Variants in GPD2 observed in about 807,000 individuals in gnomAD.
GPD2 encodes glycerol-3-phosphate dehydrogenase 2, also known as glycerol-3-phosphate dehydrogenase, mitochondrial.
In GPD2, 54 loss-of-function variants were observed where a neutral mutation model predicts 82.4. The observed-to-expected ratio is 0.66, with a 90% CI of 0.53 to 0.82. The LOEUF (loss-of-function observed/expected upper bound fraction) is 0.82. GPD2 is among the 40% of genes least tolerant of loss of function. The probability of loss-of-function intolerance (pLI) is 0.00; values close to 1 mark genes in which losing one functional copy is unlikely to be tolerated. For synonymous variants in GPD2, 288 were observed against 306.1 expected, an observed-to-expected ratio of 0.94 and a Z score of 0.62; for missense variants, 748 against 896.2, an observed-to-expected ratio of 0.83 and a Z score of 2.11.
chr2:156,414,958 A>G, the GPD2 span, among the ~76,000 whole-genome samples: 1 of 152,046 alleles, frequency 6.6e-6, no homozygotes, highest in Admixed American at 6.6e-5. Context: ...ATGGGCTCCT[A>G]TTTCCTCTTT....
intron 16 of GPD2, 34 bp downstream of exon 16, chr2:156,579,822 C>A (rs1416631119): frequency 1.0e-6 from 1 of 972,938 alleles, no homozygotes; most frequent in Non-Finnish European, 1.7e-6. Flanking sequence ...AGGATATTTG[C>A]TTTTATCTTT....
At chr2:156,486,865 T>G (rs1045540980) in intron 2 of GPD2, among the ~76,000 whole-genome samples, 1 of 152,242 alleles carries the variant, frequency 6.6e-6, no homozygotes, top group Non-Finnish European at 1.5e-5. Context: ...TAGGTTAAAG[T>G]GTAGCTGAAG....
the GPD2 span, among the ~76,000 whole-genome samples, chr2:156,400,686 T>G: frequency 6.6e-6 from 1 of 152,212 alleles, no homozygotes; most frequent in African/African-American, 2.4e-5. Flanking sequence ...TATAAATTTT[T>G]AAAAATAAAG....
intron 1 of GPD2, among the ~76,000 whole-genome samples, chr2:156,458,861 G>C (rs918597373): frequency 1.7e-4 from 26 of 151,800 alleles, no homozygotes; most frequent in Admixed American, 1.5e-3. Flanking sequence ...TAGACATCTA[G>C]AAAATAATGC....
chr2:156,547,603 A>C (rs1465875171), intron 6 of GPD2, among the ~76,000 whole-genome samples: 1 of 152,202 alleles, frequency 6.6e-6, no homozygotes, highest in East Asian at 1.9e-4. Flanking sequence ...AACAAGGACC[A>C]TAGGAACTTG....
At chr2:156,553,025 G>A (rs1431667796) in intron 8 of GPD2, among the ~76,000 whole-genome samples, 5 of 150,198 alleles carry the variant, frequency 3.3e-5, no homozygotes, top group Admixed American at 6.7e-5. Flanking sequence ...TCAGCCTCCC[G>A]AGTAGCTCGC....
At chr2:156,574,649 C>T (rs888853985) in intron 13 of GPD2, among the ~76,000 whole-genome samples, 2 of 151,482 alleles carry the variant, frequency 1.3e-5, no homozygotes, top group East Asian at 3.9e-4. Context: ...CATGTGAAGA[C>T]TTTGAGTGGC....
In GPD2 at chr2:156,524,793, A is replaced by G. The variant is rs562893648; in HGVS notation, c.661+11297A>G. Reference sequence around the variant, plus strand: ...GAGAGGTGGGACATATTTGGTGACTAGCAACAAAAAGGCTAGATCAAATTG... The same window carrying G: ...GAGAGGTGGGACATATTTGGTGACTGGCAACAAAAAGGCTAGATCAAATTG... On this transcript the variant is annotated intron_variant, in intron 6 of 16. Coordinates refer to ENST00000438166, the MANE Select transcript of GPD2 (RefSeq NM_000408.5). Among the ~76,000 whole-genome samples the G allele has an allele frequency of 6.0e-4, 91 of 152,352 alleles. 2 individuals carry two copies. The South Asian group carries it at 0.018, about 31-fold the overall frequency.
the GPD2 span, among the ~76,000 whole-genome samples, chr2:156,400,776 T>C: frequency 2.6e-5 from 4 of 152,250 alleles, no homozygotes; most frequent in Admixed American, 2.0e-4. Flanking sequence ...CTGGGGGATG[T>C]AGCTCAGTGG....
At chr2:156,452,995 G>A (rs1180035984) in intron 1 of GPD2, among the ~76,000 whole-genome samples, 8 of 152,180 alleles carry the variant, frequency 5.3e-5, no homozygotes, top group African/African-American at 1.7e-4. Context: ...GTGGAGGGGT[G>A]AAACAGGTTT....
intron 13 of GPD2, among the ~76,000 whole-genome samples, 186 bp from the exon 14 acceptor site, chr2:156,578,703 A>G (rs1017406910): frequency 6.6e-6 from 1 of 152,214 alleles, no homozygotes; most frequent in African/African-American, 2.4e-5. Flanking sequence ...GTAGATCTTA[A>G]TCATGGTAGT....
chr2:156,557,872 G>A (rs1312169398), intron 9 of GPD2, among the ~76,000 whole-genome samples: 2 of 152,170 alleles, frequency 1.3e-5, no homozygotes, highest in Admixed American at 6.5e-5. Context: ...TCCAGAAAAC[G>A]ATGAAATGTG....
At chr2:156,414,359 G>T in the GPD2 span, among the ~76,000 whole-genome samples, 1 of 152,160 alleles carries the variant, frequency 6.6e-6, no homozygotes, top group Non-Finnish European at 1.5e-5. Context: ...ATAAACTGCA[G>T]GTTAAACCCA....
At chr2:156,472,729 T>C (rs1208191463) in intron 1 of GPD2, among the ~76,000 whole-genome samples, 2 of 152,166 alleles carry the variant, frequency 1.3e-5, no homozygotes, top group African/African-American at 4.8e-5. Context: ...GACTGAACAT[T>C]TGGGTGACTT....
At chr2:156,448,142 T>A (rs938678741) in intron 1 of GPD2, among the ~76,000 whole-genome samples, 1 of 151,068 alleles carries the variant, frequency 6.6e-6, no homozygotes, top group Non-Finnish European at 1.5e-5. Context: ...TGACTCTTGC[T>A]CTGTTGCCCA....
chr2:156,560,375 A>T (rs1356239469), intron 9 of GPD2, among the ~76,000 whole-genome samples: 2 of 152,214 alleles, frequency 1.3e-5, no homozygotes, highest in African/African-American at 4.8e-5. Context: ...ACAAATAGTT[A>T]TTGTTAATTC....
chr2:156,423,939 C>A, the GPD2 span, among the ~76,000 whole-genome samples: 1 of 152,230 alleles, frequency 6.6e-6, no homozygotes, highest in South Asian at 2.1e-4. Context: ...CAGTGAAGCC[C>A]AAATAATGCT....
chr2:156,511,524 G>A (rs1684997385), intron 4 of GPD2, among the ~76,000 whole-genome samples: 2 of 152,148 alleles, frequency 1.3e-5, no homozygotes, highest in Admixed American at 1.3e-4. Context: ...ACATTGTCAA[G>A]TTTTGAATCT....
At chr2:156,549,857 C>T (rs889258565) in intron 7 of GPD2, 85 bp downstream of exon 7, 3 of 981,384 alleles carry the variant, frequency 3.1e-6, no homozygotes, top group Non-Finnish European at 4.8e-6. Context: ...TCTGTCACTT[C>T]TCTTTCATTT....
Sources: allele counts gnomAD v4.1 joint callset (sites outside exome capture counted in the v4.1 genomes callset), GRCh38; gene constraint gnomAD v4.1.1; transcripts MANE v1.5; gene names NCBI Gene and HGNC (gene_info 2026-07-23, HGNC 2026-07-21).